Variants in CACNA1I observed in about 807,000 individuals in gnomAD.
The protein encoded by CACNA1I is voltage-dependent T-type calcium channel subunit alpha-1I.
In CACNA1I, 74 loss-of-function variants were observed where a neutral mutation model predicts 201.6. That is an observed-to-expected ratio of 0.37 (90% CI 0.30 to 0.45). The LOEUF is 0.45. CACNA1I is among the 20% of genes least tolerant of loss of function. The pLI is 1.00. For synonymous variants in CACNA1I, 1,431 were observed against 1,345.2 expected, an observed-to-expected ratio of 1.06 and a Z score of -1.40; for missense variants, 2,346 against 3,138.1, an observed-to-expected ratio of 0.75 and a Z score of 6.03.
intron 3 of CACNA1I, among the ~76,000 whole-genome samples, chr22:39,606,848 C>T (rs1933235398): frequency 6.6e-6 from 1 of 152,216 alleles, no homozygotes; most frequent in African/African-American, 2.4e-5. Flanking sequence ...AACTCTTTGT[C>T]TTATCATTTA....
At chr22:39,604,671 T>C (rs1394159962) in intron 3 of CACNA1I, among the ~76,000 whole-genome samples, 1 of 151,940 alleles carries the variant, frequency 6.6e-6, no homozygotes, top group Non-Finnish European at 1.5e-5. Context: ...TCGCCCTCCC[T>C]GGACTCAGGT....
At chr22:39,605,502 C>T (rs1449591238) in intron 3 of CACNA1I, among the ~76,000 whole-genome samples, 1 of 152,196 alleles carries the variant, frequency 6.6e-6, no homozygotes, top group South Asian at 2.1e-4. Flanking sequence ...TTCACTAAAT[C>T]GACCTTTATT....
At chr22:39,613,457 G>C (rs760642768) in intron 3 of CACNA1I, among the ~76,000 whole-genome samples, 21 of 152,256 alleles carry the variant, frequency 1.4e-4, no homozygotes, top group Non-Finnish European at 2.6e-4. Context: ...TGAGGTAACA[G>C]TTGAGGCTGC....
intron 4 of CACNA1I, among the ~76,000 whole-genome samples, chr22:39,630,503 G>A (rs558191896): frequency 6.6e-6 from 1 of 152,334 alleles, no homozygotes; most frequent in South Asian, 2.1e-4. Context: ...CTCGCCCACC[G>A]CTCCTTTACT....
rs1476168374 is a variant in CACNA1I, at chr22:39,685,030, G to T, written c.6027+532G>T. ...GCACTGAGGGCTCCGCTGTGGGGGTGGGGAAATGGGGCCGGGCCGGCTCCC... is the reference window on the plus strand; with the variant it reads ...GCACTGAGGGCTCCGCTGTGGGGGTTGGGAAATGGGGCCGGGCCGGCTCCC... On this transcript the variant is annotated intron_variant, in intron 36 of 36. Coordinates refer to ENST00000402142, the MANE Select transcript of CACNA1I (RefSeq NM_021096.4). The surrounding 1 kb of genome is among the most constrained non-coding windows in gnomAD (Gnocchi z 5.0). The T allele has an allele frequency of 3.2e-5, 6 of 185,730 alleles. No homozygotes were observed. The highest frequency in any genetic ancestry group is 1.3e-4 in the South Asian group (1 of 7,422). 11.5% of individuals were successfully genotyped at this position (185,730 alleles called of 1,614,324 possible). A position where few individuals can be genotyped will look rare whatever the true frequency, so the allele number is the denominator to read the frequency against.
Position 39,686,150 on chromosome 22 carries a change from GC to G in CACNA1I, c.6422del (p.Pro2141ArgfsTer131). The G allele has an allele frequency of 5.1e-6, 6 of 1,172,408 alleles. No homozygotes were observed. The highest frequency in any genetic ancestry group is 8.4e-5 in the Admixed American group (2 of 23,920). 72.6% of individuals were successfully genotyped at this position (1,172,408 alleles called of 1,614,324 possible). A position where few individuals can be genotyped will look rare whatever the true frequency, so the allele number is the denominator to read the frequency against. On this transcript the variant is annotated frameshift_variant, in exon 37 of 37. Transcript: ENST00000402142. LOFTEE classifies it low-confidence loss of function (END_TRUNC). ...LSLTSLFCPP[P>X]PPPAPGLTPA... ...CGCTCACCTCCCTCTTCTGCCCGCC[GC>G]CCCCGCCGCCAGCCCCCGGCCTCAC... is the stretch of plus-strand genomic sequence containing the variant.
chr22:39,666,110 CTG>C lies in CACNA1I; in HGVS notation c.4104+105_4104+106del. The C allele has an allele frequency of 1.5e-6, 2 of 1,371,294 alleles. No homozygotes were observed. The highest frequency in any genetic ancestry group is 2.0e-6 in the Non-Finnish European group (2 of 996,196). 84.9% of individuals were successfully genotyped at this position (1,371,294 alleles called of 1,614,324 possible). A position where few individuals can be genotyped will look rare whatever the true frequency, so the allele number is the denominator to read the frequency against. ...TTGTCTTGCACTGCCAGGACTGACA[CTG>C]ACTTCTCCTCTCCAAGCCTCAGTTT... is the stretch of plus-strand genomic sequence containing the variant. On this transcript the variant is annotated intron_variant, in intron 23 of 36. Coordinates refer to ENST00000402142, the MANE Select transcript of CACNA1I (RefSeq NM_021096.4). The surrounding 1 kb of genome is among the most constrained non-coding windows in gnomAD (Gnocchi z 4.1).
Position 39,665,403 on chromosome 22 carries a change from C to T in CACNA1I, c.3852-95C>T, listed in dbSNP as rs1206072767. On this transcript the variant is annotated intron_variant, in intron 21 of 36. Coordinates refer to ENST00000402142, the MANE Select transcript of CACNA1I (RefSeq NM_021096.4). The surrounding 1 kb of genome is among the most constrained non-coding windows in gnomAD (Gnocchi z 5.5). ...CTGGTGAGCCCTGGGGACTCATGCC[C>T]TGGGATACTCAGCCCTGGTGACTCT... 2.0e-5 allele frequency: 30 copies of T among 1,477,794 alleles called. No homozygotes were observed. Among genetic ancestry groups the T allele is most frequent in the Non-Finnish European group, 2.8e-5 (30 of 1,084,460 alleles). 91.5% of individuals were successfully genotyped at this position (1,477,794 alleles called of 1,614,324 possible).
At chr22:39,674,885 C>G (rs549461068) in intron 29 of CACNA1I, among the ~76,000 whole-genome samples, 2 of 152,200 alleles carry the variant, frequency 1.3e-5, no homozygotes, top group African/African-American at 4.8e-5. Context: ...TTTCGGGGAC[C>G]GGGGCTAAGG....
In CACNA1I at chr22:39,687,998, C is replaced by CA. The variant is rs1296755593; in HGVS notation, c.*1595dup. On this transcript the variant is annotated 3_prime_UTR_variant, in exon 37 of 37. Coordinates refer to ENST00000402142, the MANE Select transcript of CACNA1I (RefSeq NM_021096.4). The stretch of plus-strand genomic sequence containing the variant: ...CTCCGAGGGCTTCAGGGGGGCCTGC[C>CA]AAGGGGGGGCCTTGTTCTTGTTCCC... 6.6e-6 allele frequency: 1 copy of CA among 152,174 alleles called. No homozygotes were observed. The highest frequency in any genetic ancestry group is 1.5e-5 in the Non-Finnish European group (1 of 68,096). The allele number at this position is 152,174 out of a possible 1,614,324, so 9.4% of individuals were successfully genotyped here.
At chr22:39,618,176 T>C (rs1040301798) in intron 3 of CACNA1I, among the ~76,000 whole-genome samples, 2 of 149,432 alleles carry the variant, frequency 1.3e-5, no homozygotes, top group Admixed American at 1.3e-4. Flanking sequence ...TGTGACTGTG[T>C]GTGTGGGTAT....
Position 39,668,568 on chromosome 22 carries a change from C to T in CACNA1I, c.4194+187C>T, listed in dbSNP as rs144483152. ...ACCATTACAGTCCCTCCTCGGGTAG[C>T]GTAAGTCGTCGTTCCATTTGCTTTG... On this transcript the variant is annotated intron_variant, in intron 24 of 36. Transcript: ENST00000402142. Among the ~76,000 whole-genome samples, 50 of 152,298 alleles carry T rather than the reference C, an allele frequency of 3.3e-4. No individual in the cohort carries two copies. The East Asian group carries it at 6.2e-3, about 19-fold the overall frequency.
chr22:39,579,411 G>A (rs948683257), intron 1 of CACNA1I, among the ~76,000 whole-genome samples: 14 of 152,208 alleles, frequency 9.2e-5, no homozygotes, highest in Non-Finnish European at 1.5e-4. Flanking sequence ...ACCCTAGCCC[G>A]CTTATGGCTG....
intron 1 of CACNA1I, among the ~76,000 whole-genome samples, chr22:39,571,349 G>A (rs1932177686): frequency 6.6e-6 from 1 of 152,168 alleles, no homozygotes; most frequent in African/African-American, 2.4e-5. Flanking sequence ...CAGAGGATGG[G>A]AGCCGTGATC....
Position 39,659,639 on chromosome 22 carries a change from T to C in CACNA1I, c.2449-58T>C, listed in dbSNP as rs1235081448. 14 of 1,607,762 alleles carry C rather than the reference T, an allele frequency of 8.7e-6. No individual in the cohort carries two copies. The highest frequency in any genetic ancestry group is 2.7e-5 in the African/African-American group (2 of 74,802). ...CGGGGCTGACAACTCCCATGCCTCC[T>C]TGTAGAGCCTAGCCCTGGACTAGGG... On this transcript the variant is annotated intron_variant, in intron 13 of 36. Coordinates refer to ENST00000402142, the MANE Select transcript of CACNA1I (RefSeq NM_021096.4). The surrounding 1 kb of genome is among the most constrained non-coding windows in gnomAD (Gnocchi z 4.3).
chr22:39,685,758 C>G lies in CACNA1I; in HGVS notation c.6028-3C>G. 1 of 1,475,274 alleles carries G rather than the reference C, an allele frequency of 6.8e-7. No individual in the cohort carries two copies. The highest frequency in any genetic ancestry group is 8.9e-7 in the Non-Finnish European group (1 of 1,120,938). The allele number at this position is 1,475,274 out of a possible 1,614,324, so 91.4% of individuals were successfully genotyped here. On this transcript the variant is annotated splice_region_variant and splice_polypyrimidine_tract_variant and intron_variant, in intron 36 of 36. Transcript: ENST00000402142. The surrounding 1 kb of genome is among the most constrained non-coding windows in gnomAD (Gnocchi z 5.0). ...GGCCTCCACGGCTCCCACCTCCCCC[C>G]AGGCCACCGGGAGCGACACGTCGCT...
In CACNA1I at chr22:39,664,766, G is replaced by T; in HGVS notation, c.3694G>T (p.Glu1232Ter). ...AGTCTCGCTGGGCCTGTACTTCGGC[G>T]AGCAGGCGTACCTACGCAGCAGCTG... ...KVVSLGLYFG[E>*]QAYLRSSWNV... The change falls in exon 21 of 37, where the codon GAG (glutamate) becomes TAG (stop). Residue 1232 changes from glutamate (E) to a stop codon, truncating the protein, a stop_gained. Coordinates refer to ENST00000402142, the MANE Select transcript of CACNA1I (RefSeq NM_021096.4). LOFTEE classifies it high-confidence loss of function. 2 of 1,606,166 alleles carry T rather than the reference G, an allele frequency of 1.2e-6. 1 individual carries two copies. The highest frequency in any genetic ancestry group is 1.7e-6 in the Non-Finnish European group (2 of 1,176,996).
chr22:39,573,240 C>A (rs1932243139), intron 1 of CACNA1I, among the ~76,000 whole-genome samples: 1 of 152,110 alleles, frequency 6.6e-6, no homozygotes, highest in African/African-American at 2.4e-5. Context: ...GGTGAGATGA[C>A]AAGAGTTGAT....
chr22:39,659,952 C>G lies in CACNA1I; in HGVS notation c.2604+100C>G. Reference sequence around the variant, plus strand: ...TGGGGGAGGGCTGCAATTCAAACTTCTAGCAGGCAACCTATCCCTAAAGGA... The same window carrying G: ...TGGGGGAGGGCTGCAATTCAAACTTGTAGCAGGCAACCTATCCCTAAAGGA... On this transcript the variant is annotated intron_variant, in intron 14 of 36. Coordinates refer to ENST00000402142, the MANE Select transcript of CACNA1I (RefSeq NM_021096.4). The surrounding 1 kb of genome is among the most constrained non-coding windows in gnomAD (Gnocchi z 4.3). 1 of 1,362,900 alleles carries G rather than the reference C, an allele frequency of 7.3e-7. No individual in the cohort carries two copies. Among genetic ancestry groups the G allele is most frequent in the Non-Finnish European group, 1.0e-6 (1 of 969,132 alleles). 84.4% of individuals were successfully genotyped at this position (1,362,900 alleles called of 1,614,324 possible). A position where few individuals can be genotyped will look rare whatever the true frequency, so the allele number is the denominator to read the frequency against.
Sources: allele counts gnomAD v4.1 joint callset (sites outside exome capture counted in the v4.1 genomes callset), GRCh38; gene constraint gnomAD v4.1.1; non-coding constraint Gnocchi (gnomAD v3.1); transcripts MANE v1.5; gene names NCBI Gene and HGNC (gene_info 2026-07-23, HGNC 2026-07-21).